The following LETM2 variants were observed in gnomAD, a reference collection of about 807,000 sequenced individuals.
LETM2 encodes LETM1 domain-containing protein LETM2, mitochondrial.
LETM2 carries 58 observed loss-of-function variants against 59.6 expected under a neutral mutation model. The ratio of observed to expected loss-of-function variants is 0.97; its 90% CI spans 0.79 to 1.21. The LOEUF is 1.21. Ranked by LOEUF, LETM2 falls within the 50% of genes most tolerant of loss-of-function variation. The pLI is 0.00. For missense variants in LETM2, 572 were observed against 575.7 expected (o/e 0.99, Z 0.07); for synonymous variants, 199 against 214.1 (o/e 0.93, Z 0.62).
chr8:38,398,504 A>C lies in LETM2; in HGVS notation c.646-1768A>C, dbSNP rs186305853. Among the ~76,000 whole-genome samples the C allele has an allele frequency of 5.3e-5, 8 of 152,182 alleles. No individual in the cohort carries two copies. In the East Asian group the frequency reaches 1.5e-3, roughly 29 times the overall value. On this transcript the variant is annotated intron_variant, in intron 4 of 10. Transcript: ENST00000379957. ...CATGTATTTCTCTTTCATAGCACTT[A>C]CCCATTATGCTTCTATATTAATGTG...
intron 8 of LETM2, chr8:38,404,817 T>G (rs944395349): frequency 4.3e-6 from 1 of 234,366 alleles, no homozygotes; most frequent in Non-Finnish European, 8.6e-6. Context: ...TCATCTCTAC[T>G]AAACATACAA....
Position 38,406,959 on chromosome 8 carries a change from A to AT in LETM2, c.1233dup (p.Ile412TyrfsTer10). The AT allele has an allele frequency of 6.2e-7, 1 of 1,608,846 alleles. No individual in the cohort carries two copies. Among genetic ancestry groups the AT allele is most frequent in the Non-Finnish European group, 8.5e-7 (1 of 1,175,278 alleles). Reference sequence around the variant, plus strand: ...TTATCTCCCCAGGCTCCAAAGACTGATATTCTTGTGGAATTACCTACTTTC... The same window carrying AT: ...TTATCTCCCCAGGCTCCAAAGACTGATTATTCTTGTGGAATTACCTACTTTC... On this transcript the variant is annotated frameshift_variant, in exon 9 of 11. Coordinates refer to ENST00000379957, the MANE Select transcript of LETM2 (RefSeq NM_001286819.2). LOFTEE classifies it high-confidence loss of function.
upstream of LETM2, among the ~76,000 whole-genome samples, chr8:38,383,929 C>CAA (rs34110368): frequency 1.4e-3 from 170 of 121,070 alleles, no homozygotes; most frequent in African/African-American, 2.6e-3. Flanking sequence ...GGCTATGTCT[C>CAA]AAAAAAAAAA....
In LETM2 at chr8:38,402,562, C is replaced by T. The variant is rs1813321521; in HGVS notation, c.1022C>T (p.Ser341Leu). ...GAAGGGGTGACAGCATTGAGTGTAT[C>T]AGAACTACAGGCTGCCTGTAGGGCC... ...AKEGVTALSV[S>L]ELQAACRARG... is the part of the protein sequence containing the mutation. Residue 341 changes from serine to leucine, a missense_variant, in exon 7 of 11, where the codon TCA becomes TTA. By Grantham distance (145) the Ser-to-Leu change is moderately radical (BLOSUM62 -2). Coordinates refer to ENST00000379957, the MANE Select transcript of LETM2 (RefSeq NM_001286819.2). The T allele has an allele frequency of 6.2e-7, 1 of 1,613,630 alleles. No individual in the cohort carries two copies. Among genetic ancestry groups the T allele is most frequent in the African/African-American group, 1.3e-5 (1 of 74,904 alleles).
At chr8:38,389,998 C>CAAA (rs1222660619) in intron 2 of LETM2, among the ~76,000 whole-genome samples, 55 of 44,734 alleles carry the variant, frequency 1.2e-3, no homozygotes, top group East Asian at 2.0e-3. Context: ...GACTCCGTCT[C>CAAA]AAAAAAAAAA....
chr8:38,383,594 CTA>C (rs1417137719), upstream of LETM2: 5 of 151,998 alleles, frequency 3.3e-5, no homozygotes, highest in Non-Finnish European at 7.4e-5. Context: ...TAATTATGAA[CTA>C]TTTTTTTTAA....
Position 38,408,775 on chromosome 8 carries a change from C to T in LETM2, c.*501C>T, listed in dbSNP as rs1454470457. On this transcript the variant is annotated 3_prime_UTR_variant, in exon 11 of 11. Coordinates refer to ENST00000379957, the MANE Select transcript of LETM2 (RefSeq NM_001286819.2). ...TATGAGATGGGATGGATATACTCCC[C>T]AGTAAGATCTTTCTGGATATAATGA... 3 of 152,430 alleles carry T rather than the reference C, an allele frequency of 2.0e-5. No homozygotes were observed. The highest frequency in any genetic ancestry group is 1.3e-4 in the Admixed American group (2 of 15,290). 9.4% of individuals were successfully genotyped at this position (152,430 alleles called of 1,614,324 possible).
At chr8:38,387,900 A>T in intron 1 of LETM2, 50 bp from the exon 2 acceptor site, 1 of 742,926 alleles carries the variant, frequency 1.3e-6, no homozygotes, top group Non-Finnish European at 2.3e-6. Context: ...ATGTCTTTTA[A>T]TTGATGTATT....
At chr8:38,384,908 AT>A (rs1488073104), upstream of LETM2, among the ~76,000 whole-genome samples, 1 of 152,212 alleles carries the variant, frequency 6.6e-6, no homozygotes, top group African/African-American at 2.4e-5. Context: ...AACTGAAAAT[AT>A]TTTTGCATCC....
At chr8:38,384,627 T>A (rs1211871720), upstream of LETM2, among the ~76,000 whole-genome samples, 2 of 152,220 alleles carry the variant, frequency 1.3e-5, no homozygotes, top group Non-Finnish European at 2.9e-5. Flanking sequence ...TCTCTTATCC[T>A]GAAAGTCAAA....
rs1813120079 is a variant in LETM2, at chr8:38,400,620, T to C, written c.783+211T>C. The C allele has an allele frequency of 1.5e-5, 10 of 651,524 alleles. No homozygotes were observed. The South Asian group carries it at 2.0e-4, about 13-fold the overall frequency. The allele number at this position is 651,524 out of a possible 1,614,324, so 40.4% of individuals were successfully genotyped here. On this transcript the variant is annotated intron_variant, in intron 5 of 10. Coordinates refer to ENST00000379957, the MANE Select transcript of LETM2 (RefSeq NM_001286819.2). ...TAAAGTAATCAACGTTTTGAAGACA[T>C]TGATAACTTCTTGGAGAGAACAGTA...
intron 4 of LETM2, among the ~76,000 whole-genome samples, chr8:38,396,171 T>A (rs117204816): frequency 6.6e-6 from 1 of 150,720 alleles, no homozygotes; most frequent in African/African-American, 2.4e-5. Context: ...TTTATTTATT[T>A]TTTTTTTTTT....
At chr8:38,396,732 C>T (rs1812721267) in intron 4 of LETM2, among the ~76,000 whole-genome samples, 1 of 151,818 alleles carries the variant, frequency 6.6e-6, no homozygotes, top group African/African-American at 2.4e-5. Context: ...TAGTGAGACC[C>T]CTGTCTCTAA....
chr8:38,398,873 C>T (rs940464036), intron 4 of LETM2, among the ~76,000 whole-genome samples: 1 of 152,044 alleles, frequency 6.6e-6, no homozygotes, highest in African/African-American at 2.4e-5. Flanking sequence ...GCATGTGCCA[C>T]CACGCCCGGC....
chr8:38,394,017 G>C (rs542729278), intron 3 of LETM2, 81 bp from the exon 4 acceptor site: 1 of 1,110,228 alleles, frequency 9.0e-7, no homozygotes, highest in Non-Finnish European at 1.2e-6. Context: ...AACAAGACAG[G>C]GTTTTTTTGG....
At chr8:38,397,178 C>CT (rs34259252) in intron 4 of LETM2, 44,015 of 404,132 alleles carry the variant, frequency 0.11, 1 homozygote, top group South Asian at 0.16. Context: ...AAAAGTGCAA[C>CT]TTTTTTTTTT....
chr8:38,392,662 C>G lies in LETM2; in HGVS notation c.168C>G (p.Tyr56Ter). Residue 56 changes from tyrosine (Y) to a stop codon, truncating the protein, a stop_gained, in exon 3 of 11, where the codon TAC becomes TAG. Coordinates refer to ENST00000379957, the MANE Select transcript of LETM2 (RefSeq NM_001286819.2). LOFTEE classifies it high-confidence loss of function. ...TGAAGAACTATGAGAGCAAGAAGTA[C>G]TCGGATCCTAGTCAGCCAGGCAATA... is the stretch of plus-strand genomic sequence containing the variant. ...TCMKNYESKK[Y>*]SDPSQPGNTV... The G allele has an allele frequency of 6.2e-7, 1 of 1,614,098 alleles. No individual in the cohort carries two copies. Among genetic ancestry groups the G allele is most frequent in the Non-Finnish European group, 8.5e-7 (1 of 1,179,992 alleles).
chr8:38,386,378 A>C (rs548110374), upstream of LETM2: 5 of 152,162 alleles, frequency 3.3e-5, no homozygotes, highest in African/African-American at 7.2e-5. Flanking sequence ...CTGGGCTGCT[A>C]AGGTGAAGGA....
intron 7 of LETM2, 136 bp downstream of exon 7, chr8:38,402,780 T>C: frequency 2.4e-6 from 2 of 821,652 alleles, no homozygotes; most frequent in Non-Finnish European, 3.8e-6. Context: ...AGTGGGATGC[T>C]GAAGGACTAG....
Sources: allele counts gnomAD v4.1 joint callset (sites outside exome capture counted in the v4.1 genomes callset), GRCh38; gene constraint gnomAD v4.1.1; transcripts MANE v1.5; gene names NCBI Gene and HGNC (gene_info 2026-07-23, HGNC 2026-07-21).